Variants in XKR6 observed in about 807,000 individuals in gnomAD.
XKR6 encodes XK-related protein 6.
A neutral mutation model predicts 56.7 loss-of-function variants in XKR6; 22 were observed. The ratio of observed to expected loss-of-function variants is 0.39; its 90% CI spans 0.28 to 0.55. The LOEUF (loss-of-function observed/expected upper bound fraction) is 0.55, where lower values mean the gene tolerates loss of function less well. Ranked by LOEUF, XKR6 falls within the 20% of genes least tolerant of loss-of-function variation. The pLI is 0.66. For synonymous variants in XKR6, 524 were observed against 387.8 expected (o/e 1.35, Z -4.13); for missense variants, 852 against 889.0 (o/e 0.96, Z 0.53).
chr8:11,101,900 C>T (rs1477350889), intron 1 of XKR6, among the ~76,000 whole-genome samples: 3 of 152,210 alleles, frequency 2.0e-5, no homozygotes, highest in Non-Finnish European at 4.4e-5. Flanking sequence ...ACGGACCCGC[C>T]ACAATTTTAG....
At chr8:11,102,743 G>A (rs1432051405) in intron 1 of XKR6, among the ~76,000 whole-genome samples, 3 of 152,148 alleles carry the variant, frequency 2.0e-5, no homozygotes, top group African/African-American at 7.2e-5. Context: ...GCTGACATGG[G>A]AAGAGTTAAT....
chr8:11,068,229 G>A (rs1476185729), intron 1 of XKR6, among the ~76,000 whole-genome samples: 11 of 152,144 alleles, frequency 7.2e-5, no homozygotes, highest in Admixed American at 5.9e-4. Context: ...ATCTCAGACC[G>A]TCGGAGATAA....
chr8:10,942,265 C>T (rs1801406967), intron 1 of XKR6, among the ~76,000 whole-genome samples: 2 of 152,354 alleles, frequency 1.3e-5, no homozygotes, highest in African/African-American at 4.8e-5. Context: ...CATGGTCACA[C>T]TCCACACAGG....
At chr8:11,140,395 T>A (rs1409232039) in intron 1 of XKR6, among the ~76,000 whole-genome samples, 1 of 152,136 alleles carries the variant, frequency 6.6e-6, no homozygotes, top group Non-Finnish European at 1.5e-5. Context: ...GTCCTTTGGG[T>A]ATCGAGGCAA....
intron 1 of XKR6, among the ~76,000 whole-genome samples, chr8:10,970,213 G>C (rs1802364012): frequency 6.6e-6 from 1 of 152,198 alleles, no homozygotes; most frequent in East Asian, 1.9e-4. Flanking sequence ...GACAGACCCA[G>C]TTCTTCAACT....
chr8:11,100,493 T>C (rs1798429993), intron 1 of XKR6, among the ~76,000 whole-genome samples: 1 of 152,214 alleles, frequency 6.6e-6, no homozygotes, highest in Admixed American at 6.5e-5. Context: ...CAAACTATCG[T>C]GAGATCTTAT....
intron 2 of XKR6, among the ~76,000 whole-genome samples, chr8:10,916,655 A>T (rs1800572896): frequency 6.6e-6 from 1 of 152,236 alleles, no homozygotes; most frequent in Non-Finnish European, 1.5e-5. Context: ...ATACTTGGCC[A>T]GGGAGACAGA....
At chr8:11,122,760 A>G (rs905157347) in intron 1 of XKR6, among the ~76,000 whole-genome samples, 11 of 152,130 alleles carry the variant, frequency 7.2e-5, no homozygotes, top group Non-Finnish European at 1.0e-4. Context: ...ATTTTAGTTC[A>G]TATTTATTTT....
Position 11,069,457 on chromosome 8 carries a change from G to A in XKR6, c.764+131119C>T, listed in dbSNP as rs1042773707. 8.5e-5 allele frequency among the ~76,000 whole-genome samples: 13 copies of A among 152,156 alleles called. 1 individual carries two copies. The South Asian group carries it at 2.5e-3, about 29-fold the overall frequency. Reference sequence around the variant, plus strand: ...CCAGAGCCTGTGTTGCCACACCTCGGGGTCATACAGGCTTCAGCTCACATG... The same window carrying A: ...CCAGAGCCTGTGTTGCCACACCTCGAGGTCATACAGGCTTCAGCTCACATG... On this transcript the variant is annotated intron_variant, in intron 1 of 2. Coordinates refer to ENST00000416569, the MANE Select transcript of XKR6 (RefSeq NM_173683.4).
chr8:11,184,761 G>A (rs978452379), intron 1 of XKR6, among the ~76,000 whole-genome samples: 2 of 151,754 alleles, frequency 1.3e-5, no homozygotes, highest in African/African-American at 4.8e-5. Flanking sequence ...CAAACTCCTG[G>A]GCTCATGCAA....
At chr8:11,020,719 T>TA (rs1181984745) in intron 1 of XKR6, among the ~76,000 whole-genome samples, 3 of 152,234 alleles carry the variant, frequency 2.0e-5, no homozygotes, top group Non-Finnish European at 1.5e-5. Flanking sequence ...TTTGAACTCT[T>TA]ACGCCTTTTT....
At chr8:11,127,312 A>G (rs1315233813) in intron 1 of XKR6, among the ~76,000 whole-genome samples, 1 of 151,474 alleles carries the variant, frequency 6.6e-6, no homozygotes, top group African/African-American at 2.4e-5. Flanking sequence ...ATCTTCAACG[A>G]GTTACTTATC....
chr8:11,133,284 G>A (rs933558457), intron 1 of XKR6, among the ~76,000 whole-genome samples: 1 of 152,140 alleles, frequency 6.6e-6, no homozygotes, highest in Non-Finnish European at 1.5e-5. Flanking sequence ...TACGGCGTCA[G>A]CTTCACATCA....
At chr8:11,146,395 G>A (rs1024280203) in intron 1 of XKR6, among the ~76,000 whole-genome samples, 8 of 152,218 alleles carry the variant, frequency 5.3e-5, no homozygotes, top group Admixed American at 2.0e-4. Context: ...GGAGACTGGG[G>A]CAGTCGGTCT....
intron 1 of XKR6, among the ~76,000 whole-genome samples, chr8:10,940,413 T>C (rs1801351740): frequency 6.6e-6 from 1 of 152,180 alleles, no homozygotes; most frequent in South Asian, 2.1e-4. Flanking sequence ...CCAGAGCCCA[T>C]GTGCCAAACC....
chr8:10,998,454 C>T (rs1213890985), intron 1 of XKR6, among the ~76,000 whole-genome samples: 1 of 152,224 alleles, frequency 6.6e-6, no homozygotes, highest in Non-Finnish European at 1.5e-5. Flanking sequence ...TTCTCACTCT[C>T]CCTTCTCCAT....
intron 1 of XKR6, among the ~76,000 whole-genome samples, chr8:10,948,080 T>C (rs997578892): frequency 2.6e-5 from 4 of 152,106 alleles, no homozygotes; most frequent in Non-Finnish European, 5.9e-5. Context: ...ACTCAGGATA[T>C]AACAGCGGCT....
At chr8:11,081,560 T>C (rs1797723058) in intron 1 of XKR6, among the ~76,000 whole-genome samples, 1 of 152,226 alleles carries the variant, frequency 6.6e-6, no homozygotes, top group South Asian at 2.1e-4. Context: ...CCTGGGGCTC[T>C]TCCATCTCAG....
At chr8:10,999,203 G>A (rs1209069195) in intron 1 of XKR6, among the ~76,000 whole-genome samples, 2 of 152,196 alleles carry the variant, frequency 1.3e-5, no homozygotes, top group East Asian at 3.9e-4. Flanking sequence ...TCAATCGTGG[G>A]ATTATTTATG....
Sources: allele counts gnomAD v4.1 joint callset (sites outside exome capture counted in the v4.1 genomes callset), GRCh38; gene constraint gnomAD v4.1.1; transcripts MANE v1.5; gene names NCBI Gene and HGNC (gene_info 2026-07-23, HGNC 2026-07-21).